CENPW: variants seen among roughly 807,000 people sequenced by gnomAD.
The protein encoded by CENPW is cancer-up-regulated gene 2 protein.
In CENPW, 3 loss-of-function variants were observed where a neutral mutation model predicts 11.1. That is an observed-to-expected ratio of 0.27 (90% CI 0.12 to 0.70). The LOEUF is 0.70. Among genes scored for constraint, CENPW ranks in the 30% least tolerant of loss-of-function variants. The pLI is 0.77. For synonymous variants in CENPW, 38 were observed against 42.0 expected (o/e 0.91, Z 0.37); for missense variants, 100 against 105.6 (o/e 0.95, Z 0.23).
chr6:126,391,879 T>C, the CENPW span, among the ~76,000 whole-genome samples: 1 of 152,066 alleles, frequency 6.6e-6, no homozygotes, highest in South Asian at 2.1e-4. Context: ...TATAGCTGTG[T>C]AGCATCATTT....
chr6:126,410,771 G>T, the CENPW span, among the ~76,000 whole-genome samples: 1 of 151,672 alleles, frequency 6.6e-6, no homozygotes, highest in African/African-American at 2.4e-5. Flanking sequence ...GTTTGCTGTT[G>T]GGGCTTTCAC....
chr6:126,352,549 T>C (rs544090143), downstream of CENPW, among the ~76,000 whole-genome samples: 39 of 152,256 alleles, frequency 2.6e-4, no homozygotes, highest in Admixed American at 2.0e-3. Context: ...ATTTCCTTTT[T>C]GAAGGAATCT....
chr6:126,477,325 A>G, the CENPW span, among the ~76,000 whole-genome samples: 1 of 151,994 alleles, frequency 6.6e-6, no homozygotes, highest in African/African-American at 2.4e-5. Context: ...AGAACTGTAA[A>G]TCATTACAAC....
At chr6:126,400,202 A>G in the CENPW span, among the ~76,000 whole-genome samples, 3 of 152,100 alleles carry the variant, frequency 2.0e-5, no homozygotes, top group Non-Finnish European at 4.4e-5. Context: ...TACACCCCAC[A>G]GAAATGTATG....
chr6:126,440,194 C>T, the CENPW span, among the ~76,000 whole-genome samples: 1 of 151,560 alleles, frequency 6.6e-6, no homozygotes, highest in Non-Finnish European at 1.5e-5. Flanking sequence ...GGGATTCATT[C>T]ATAGGTGAGA....
At chr6:126,379,262 G>A in the CENPW span, among the ~76,000 whole-genome samples, 1 of 152,072 alleles carries the variant, frequency 6.6e-6, no homozygotes. Flanking sequence ...GGAGGTTTTC[G>A]TAATCCCAGG....
the CENPW span, among the ~76,000 whole-genome samples, chr6:126,408,107 G>A: frequency 6.6e-6 from 1 of 152,044 alleles, no homozygotes; most frequent in Admixed American, 6.6e-5. Flanking sequence ...TTAGTAAATG[G>A]TGCTGGAACA....
At chr6:126,473,605 T>C in the CENPW span, among the ~76,000 whole-genome samples, 6 of 151,842 alleles carry the variant, frequency 4.0e-5, no homozygotes, top group Non-Finnish European at 8.8e-5. Flanking sequence ...CAGTGGCACA[T>C]GCTTTTAATT....
At chr6:126,382,021 G>C in the CENPW span, among the ~76,000 whole-genome samples, 10 of 152,076 alleles carry the variant, frequency 6.6e-5, no homozygotes, top group Non-Finnish European at 5.9e-5. Flanking sequence ...ATCACCTGAG[G>C]TCAGGAGTTT....
chr6:126,398,019 T>C, the CENPW span, among the ~76,000 whole-genome samples: 1 of 152,214 alleles, frequency 6.6e-6, no homozygotes, highest in African/African-American at 2.4e-5. Context: ...ATTATATGCC[T>C]GCTTGTCTCC....
At chr6:126,415,743 C>T in the CENPW span, among the ~76,000 whole-genome samples, 1 of 152,216 alleles carries the variant, frequency 6.6e-6, no homozygotes, top group Admixed American at 6.5e-5. Context: ...GCTCTATTCT[C>T]TTGTGTGCCA....
the CENPW span, among the ~76,000 whole-genome samples, chr6:126,403,749 A>C: frequency 1.3e-5 from 2 of 152,130 alleles, no homozygotes; most frequent in Non-Finnish European, 2.9e-5. Context: ...TGAAACAGTA[A>C]GTGCTGACAT....
chr6:126,353,214 C>T (rs1034035386), downstream of CENPW, among the ~76,000 whole-genome samples: 3 of 140,564 alleles, frequency 2.1e-5, no homozygotes, highest in African/African-American at 8.4e-5. Context: ...TTTTATATTT[C>T]CCTATGGGAT....
chr6:126,357,385 T>C, the CENPW span, among the ~76,000 whole-genome samples: 1 of 152,318 alleles, frequency 6.6e-6, no homozygotes, highest in Non-Finnish European at 1.5e-5. Context: ...TTTGTTCTTT[T>C]TGCTTAGGGT....
chr6:126,408,100 G>C, the CENPW span, among the ~76,000 whole-genome samples: 1 of 152,016 alleles, frequency 6.6e-6, no homozygotes, highest in Non-Finnish European at 1.5e-5. Flanking sequence ...TCCCTATTTA[G>C]TAAATGGTGC....
chr6:126,401,334 C>T, the CENPW span, among the ~76,000 whole-genome samples: 1 of 152,002 alleles, frequency 6.6e-6, no homozygotes, highest in South Asian at 2.1e-4. Context: ...TTCCTTTGTA[C>T]TTGGGCTTCG....
chr6:126,465,443 A>G, the CENPW span, among the ~76,000 whole-genome samples: 2 of 152,130 alleles, frequency 1.3e-5, no homozygotes, highest in African/African-American at 4.8e-5. Context: ...TGAAATTTCC[A>G]GTCTGCCTAT....
At chr6:126,477,882 C>A in the CENPW span, among the ~76,000 whole-genome samples, 1 of 151,970 alleles carries the variant, frequency 6.6e-6, no homozygotes, top group East Asian at 1.9e-4. Flanking sequence ...CACCAGTTTA[C>A]TCCTCTTATT....
the CENPW span, among the ~76,000 whole-genome samples, chr6:126,361,324 C>T: frequency 6.3e-3 from 963 of 151,870 alleles, 10 homozygotes; most frequent in African/African-American, 0.021. Context: ...TTTTTTGAGA[C>T]GGAGTCTTGC....
Sources: allele counts gnomAD v4.1 joint callset (sites outside exome capture counted in the v4.1 genomes callset), GRCh38; gene constraint gnomAD v4.1.1; transcripts MANE v1.5; gene names NCBI Gene and HGNC (gene_info 2026-07-23, HGNC 2026-07-21).